Variants in DRAXIN observed in about 807,000 individuals in gnomAD.
The protein encoded by DRAXIN is dorsal repulsive axon guidance protein.
A neutral mutation model predicts 33.9 loss-of-function variants in DRAXIN; 27 were observed. That is an observed-to-expected ratio of 0.80 (90% confidence interval 0.59 to 1.10). The LOEUF is 1.10. Among genes scored for constraint, DRAXIN ranks in the 50% least tolerant of loss-of-function variants. The pLI is 0.00. For synonymous variants in DRAXIN, 178 were observed against 194.0 expected, an observed-to-expected ratio of 0.92 and a Z score of 0.69; for missense variants, 371 against 460.8, an observed-to-expected ratio of 0.81 and a Z score of 1.78.
chr1:11,708,656 T>C (rs1641428054), intron 2 of DRAXIN, among the ~76,000 whole-genome samples: 1 of 152,194 alleles, frequency 6.6e-6, no homozygotes, highest in Admixed American at 6.5e-5. Flanking sequence ...AACCTCTCTG[T>C]GCTTCAGTTT....
At chr1:11,719,135 C>T (rs1290316871) in intron 6 of DRAXIN, among the ~76,000 whole-genome samples, 1 of 152,154 alleles carries the variant, frequency 6.6e-6, no homozygotes, top group Non-Finnish European at 1.5e-5. Flanking sequence ...AACTCCTGAC[C>T]TCAAGTGATC....
chr1:11,723,671 C>A lies in DRAXIN; in HGVS notation c.*3975C>A, dbSNP rs543658409. On this transcript the variant is annotated 3_prime_UTR_variant, in exon 7 of 7. Transcript: ENST00000294485. ...GCAGTGGCACGATCTCGGCTCACTG[C>A]GACCTCTGCCTCCTGGGTACAAGTG... 1.3e-5 allele frequency: 2 copies of A among 151,624 alleles called. No individual in the cohort carries two copies. Among genetic ancestry groups the A allele is most frequent in the Non-Finnish European group, 2.9e-5 (2 of 67,984 alleles). The allele number at this position is 151,624 out of a possible 1,614,324, so 9.4% of individuals were successfully genotyped here.
chr1:11,711,060 T>C (rs982608353), intron 3 of DRAXIN, among the ~76,000 whole-genome samples: 1 of 151,940 alleles, frequency 6.6e-6, no homozygotes, highest in African/African-American at 2.4e-5. Context: ...GGGAGACCGA[T>C]GCGAATAGAT....
chr1:11,710,921 C>CAAGAAA (rs759264670), intron 3 of DRAXIN, among the ~76,000 whole-genome samples: 4 of 90,172 alleles, frequency 4.4e-5, no homozygotes, highest in Non-Finnish European at 5.9e-5. Context: ...GACTCCATCT[C>CAAGAAA]AAAAAAAAAA....
At position 11,700,349 on chromosome 1, in the gene DRAXIN, ACTGG is replaced by A. The variant is rs528964867; in HGVS notation, c.-10-5897_-10-5894del. 9.1e-4 allele frequency among the ~76,000 whole-genome samples: 138 copies of A among 152,370 alleles called. 1 individual carries two copies. The highest frequency in any genetic ancestry group is 3.4e-3 in the Middle Eastern group (1 of 294). On this transcript the variant is annotated intron_variant, in intron 1 of 6. Transcript: ENST00000294485. ...TCATGGATGTGAGGCTGCGCTTCTAACTGGCTTTGATTATTCACGTTCAGAAAAT... is the reference window on the plus strand; with the variant it reads ...TCATGGATGTGAGGCTGCGCTTCTAACTTTGATTATTCACGTTCAGAAAAT...
chr1:11,711,351 T>G (rs1385962891), intron 3 of DRAXIN, among the ~76,000 whole-genome samples: 2 of 141,088 alleles, frequency 1.4e-5, no homozygotes, highest in Non-Finnish European at 3.2e-5. Context: ...CAGCTATTGC[T>G]GAGGACCTCT....
At position 11,692,020 on chromosome 1, in the gene DRAXIN, G is replaced by T. The variant is rs1031864930; in HGVS notation, c.-11+167G>T. 4.0e-5 allele frequency among the ~76,000 whole-genome samples: 6 copies of T among 151,842 alleles called. No individual in the cohort carries two copies. The highest frequency in any genetic ancestry group is 1.5e-4 in the African/African-American group (6 of 41,340). ...TCCCAGCCCTCGGACCCGTCTATCC[G>T]CCAGTCCTTCCGCCGCCTCCTCTCC... On this transcript the variant is annotated intron_variant, in intron 1 of 6. Transcript: ENST00000294485. This position sits in a 1 kb window ranked among gnomAD's most constrained non-coding sequence, Gnocchi z 5.8.
In DRAXIN at chr1:11,721,920, G is replaced by C. The variant is rs1279941470; in HGVS notation, c.*2224G>C. ...GCAGATCACTTGAAGTAAGGCGTTC[G>C]AGAACAGCCTGACCAACATGGTGAA... On this transcript the variant is annotated 3_prime_UTR_variant, in exon 7 of 7. Transcript: ENST00000294485. 2 of 152,118 alleles carry C rather than the reference G, an allele frequency of 1.3e-5. No individual in the cohort carries two copies. Among genetic ancestry groups the C allele is most frequent in the Non-Finnish European group, 2.9e-5 (2 of 68,048 alleles). The allele number at this position is 152,118 out of a possible 1,614,324, so 9.4% of individuals were successfully genotyped here. A position where few individuals can be genotyped will look rare whatever the true frequency, so the allele number is the denominator to read the frequency against.
chr1:11,722,217 T>C lies in DRAXIN; in HGVS notation c.*2521T>C, dbSNP rs1641667528. On this transcript the variant is annotated 3_prime_UTR_variant, in exon 7 of 7. Transcript: ENST00000294485. ...CATGCTGTGTGTGCCTCACATTAAG[T>C]GGTGACTCGGGACTGTGCTGGCTCT... is the stretch of plus-strand genomic sequence containing the variant. The C allele has an allele frequency of 6.6e-6, 1 of 152,142 alleles. No individual in the cohort carries two copies. The highest frequency in any genetic ancestry group is 1.5e-5 in the Non-Finnish European group (1 of 68,036). The allele number at this position is 152,142 out of a possible 1,614,324, so 9.4% of individuals were successfully genotyped here. A position where few individuals can be genotyped will look rare whatever the true frequency, so the allele number is the denominator to read the frequency against.
At chr1:11,712,236 C>A in intron 4 of DRAXIN, 104 bp from the exon 5 acceptor site, 1 of 1,335,864 alleles carries the variant, frequency 7.5e-7, no homozygotes, top group Non-Finnish European at 1.1e-6. Context: ...TTGTCCAAGC[C>A]ATGCTGTAGA....
In DRAXIN at chr1:11,712,420, T is replaced by G; in HGVS notation, c.838T>G (p.Cys280Gly). 6.2e-7 allele frequency: 1 copy of G among 1,613,594 alleles called. No individual in the cohort carries two copies. Among genetic ancestry groups the G allele is most frequent in the South Asian group, 1.1e-5 (1 of 90,972 alleles). Residue 280 changes from cysteine to glycine, a missense_variant, in exon 5 of 7, where the codon TGC (cysteine) becomes GGC (glycine). Physicochemically the swap from Cys to Gly is radical, Grantham distance 159. Coordinates refer to ENST00000294485, the MANE Select transcript of DRAXIN (RefSeq NM_198545.4). ...GGAACCATGCGACCATCACCAAGAC[T>G]GCCTGCCAGGTACCAGCCAGCACCC... ...EGEPCDHHQD[C>G]LPGTCCDLRE...
intron 3 of DRAXIN, among the ~76,000 whole-genome samples, chr1:11,710,780 G>A (rs1274953376): frequency 2.0e-5 from 3 of 146,564 alleles, no homozygotes; most frequent in South Asian, 2.2e-4. Flanking sequence ...AAAAATAGCC[G>A]GGCATAGTGG....
rs1342782592 is a variant in DRAXIN, at chr1:11,705,195, TA to T, written c.-10-1049del. On this transcript the variant is annotated intron_variant, in intron 1 of 6. Transcript: ENST00000294485. This position sits in a 1 kb window ranked among gnomAD's most constrained non-coding sequence, Gnocchi z 4.8. ...GCCTAGTGGAATACTCGGGAGGCCATAAAAATTCAATTAGCCTGGCTAACCT... is the reference window on the plus strand; with the variant it reads ...GCCTAGTGGAATACTCGGGAGGCCATAAAATTCAATTAGCCTGGCTAACCT... 6.6e-6 allele frequency among the ~76,000 whole-genome samples: 1 copy of T among 152,074 alleles called. No homozygotes were observed. Among genetic ancestry groups the T allele is most frequent in the Non-Finnish European group, 1.5e-5 (1 of 67,996 alleles).
chr1:11,695,782 C>T (rs996653136), intron 1 of DRAXIN, among the ~76,000 whole-genome samples: 3 of 151,948 alleles, frequency 2.0e-5, no homozygotes, highest in Non-Finnish European at 4.4e-5. Context: ...CTTCCCCCAC[C>T]CACAAATTGC....
intron 2 of DRAXIN, among the ~76,000 whole-genome samples, chr1:11,708,285 G>A (rs1156618347): frequency 1.3e-5 from 2 of 152,210 alleles, no homozygotes; most frequent in African/African-American, 2.4e-5. Context: ...AGGTTTGCGG[G>A]CTAGGCCCTG....
rs1641152109 is a variant in DRAXIN, at chr1:11,694,087, C to A, written c.-11+2234C>A. Among the ~76,000 whole-genome samples, 1 of 152,134 alleles carries A rather than the reference C, an allele frequency of 6.6e-6. No individual in the cohort carries two copies. Among genetic ancestry groups the A allele is most frequent in the East Asian group, 1.9e-4 (1 of 5,186 alleles). On this transcript the variant is annotated intron_variant, in intron 1 of 6. Coordinates refer to ENST00000294485, the MANE Select transcript of DRAXIN (RefSeq NM_198545.4). The surrounding 1 kb of genome is among the most constrained non-coding windows in gnomAD (Gnocchi z 4.9). ...CTGATGTCCTCTCCTGTGGGAAGCACCCCGGCACTCCCTTGCCTCCCTAGC... is the reference window on the plus strand; with the variant it reads ...CTGATGTCCTCTCCTGTGGGAAGCAACCCGGCACTCCCTTGCCTCCCTAGC...
intron 1 of DRAXIN, among the ~76,000 whole-genome samples, chr1:11,701,352 A>AC (rs1371490611): frequency 6.6e-6 from 1 of 151,590 alleles, no homozygotes; most frequent in Admixed American, 6.6e-5. Flanking sequence ...GTGGCTTACA[A>AC]CCCCCTCGCC....
chr1:11,702,567 C>G (rs530571877), intron 1 of DRAXIN, among the ~76,000 whole-genome samples: 4 of 151,248 alleles, frequency 2.6e-5, no homozygotes, highest in East Asian at 2.0e-4. Context: ...CTCCCACACA[C>G]TCACTACACA....
chr1:11,700,820 G>T (rs1641261586), intron 1 of DRAXIN, among the ~76,000 whole-genome samples: 1 of 152,184 alleles, frequency 6.6e-6, no homozygotes, highest in Non-Finnish European at 1.5e-5. Context: ...GCCATGACTT[G>T]CTCCCCCCAA....
Sources: allele counts gnomAD v4.1 joint callset (sites outside exome capture counted in the v4.1 genomes callset), GRCh38; gene constraint gnomAD v4.1.1; non-coding constraint Gnocchi (gnomAD v3.1); transcripts MANE v1.5; gene names NCBI Gene and HGNC (gene_info 2026-07-23, HGNC 2026-07-21).